The following NRG3 variants were observed in gnomAD, a reference collection of about 807,000 sequenced individuals.
NRG3 encodes neuregulin 3.
In NRG3, 31 loss-of-function variants were observed where a neutral mutation model predicts 66.9. That is an observed-to-expected ratio of 0.46 (90% CI 0.35 to 0.63). The LOEUF is 0.63. Ranked by LOEUF, NRG3 falls within the 20% of genes least tolerant of loss-of-function variation. The pLI, the probability that NRG3 is intolerant of heterozygous loss-of-function variation, is 0.00. For synonymous variants in NRG3, 393 were observed against 359.4 expected (o/e 1.09, Z -1.06); for missense variants, 910 against 878.9 (o/e 1.04, Z -0.45).
chr10:82,380,722 G>A (rs2085561115), intron 2 of NRG3, among the ~76,000 whole-genome samples: 2 of 152,062 alleles, frequency 1.3e-5, no homozygotes, highest in Non-Finnish European at 2.9e-5. Flanking sequence ...GTGTACATTG[G>A]TATAACAACT....
chr10:81,953,260 C>A (rs999205438), intron 1 of NRG3, among the ~76,000 whole-genome samples: 2 of 152,182 alleles, frequency 1.3e-5, no homozygotes, highest in South Asian at 2.1e-4. Flanking sequence ...TGGTTGAGAG[C>A]CCCATCCTTT....
intron 2 of NRG3, among the ~76,000 whole-genome samples, chr10:82,696,355 A>T (rs2055381884): frequency 1.3e-5 from 2 of 152,150 alleles, no homozygotes; most frequent in South Asian, 4.1e-4. Flanking sequence ...TATAGTATAT[A>T]TTTAAAATGG....
At chr10:82,734,504 A>T (rs1288226175) in intron 2 of NRG3, among the ~76,000 whole-genome samples, 2 of 152,104 alleles carry the variant, frequency 1.3e-5, no homozygotes, top group East Asian at 3.9e-4. Context: ...GAGGCTTATC[A>T]ACCTGATACT....
intron 1 of NRG3, among the ~76,000 whole-genome samples, chr10:81,985,019 T>A (rs2060470253): frequency 6.6e-6 from 1 of 152,188 alleles, no homozygotes; most frequent in South Asian, 2.1e-4. Context: ...TATGCAAAGA[T>A]TTACACATGT....
intron 2 of NRG3, among the ~76,000 whole-genome samples, chr10:82,454,902 A>G (rs746684112): frequency 6.6e-6 from 1 of 152,254 alleles, no homozygotes; most frequent in East Asian, 1.9e-4. Context: ...AACATTTGCA[A>G]CGTACTCTCA....
chr10:82,288,933 T>A (rs2079570307), intron 1 of NRG3, among the ~76,000 whole-genome samples: 1 of 152,182 alleles, frequency 6.6e-6, no homozygotes, highest in Non-Finnish European at 1.5e-5. Context: ...TTAATAGACA[T>A]GCTGTAATGA....
chr10:82,499,597 A>G (rs192567868), intron 2 of NRG3, among the ~76,000 whole-genome samples: 2 of 152,216 alleles, frequency 1.3e-5, no homozygotes, highest in Admixed American at 1.3e-4. Flanking sequence ...AATGGTCTCA[A>G]ATGGTCTCTA....
At chr10:82,294,819 C>T (rs1414760) in intron 1 of NRG3, among the ~76,000 whole-genome samples, 72,386 of 151,978 alleles carry the variant, frequency 0.48, 20,821 homozygotes, top group African/African-American at 0.81. Context: ...TTGAGGAATG[C>T]AAATATTTGA....
chr10:82,752,337 C>T (rs1490499663), intron 3 of NRG3, among the ~76,000 whole-genome samples: 1 of 152,090 alleles, frequency 6.6e-6, no homozygotes, highest in Non-Finnish European at 1.5e-5. Flanking sequence ...CTGTGATAGG[C>T]AATCAATGCC....
At chr10:82,749,408 A>G (rs938910287) in intron 3 of NRG3, among the ~76,000 whole-genome samples, 6 of 151,974 alleles carry the variant, frequency 3.9e-5, no homozygotes, top group African/African-American at 1.4e-4. Flanking sequence ...GCCCAGGACA[A>G]ATGCCTAAGT....
chr10:82,359,753 G>A (rs996158411), intron 2 of NRG3, among the ~76,000 whole-genome samples: 2 of 152,058 alleles, frequency 1.3e-5, no homozygotes, highest in Admixed American at 1.3e-4. Flanking sequence ...GTATGACACA[G>A]TTATTAAATT....
At chr10:82,766,474 A>T (rs750722353) in intron 3 of NRG3, among the ~76,000 whole-genome samples, 3 of 152,164 alleles carry the variant, frequency 2.0e-5, no homozygotes, top group Non-Finnish European at 4.4e-5. Flanking sequence ...GAACCCTAAA[A>T]ATAGTCTAGT....
intron 3 of NRG3, among the ~76,000 whole-genome samples, chr10:82,775,980 A>G (rs1477140117): frequency 6.6e-6 from 1 of 152,180 alleles, no homozygotes; most frequent in Non-Finnish European, 1.5e-5. Flanking sequence ...TTGTCATTGC[A>G]GTAATGGAAT....
intron 2 of NRG3, among the ~76,000 whole-genome samples, chr10:82,503,795 C>T (rs897154252): frequency 6.6e-6 from 1 of 152,174 alleles, no homozygotes; most frequent in Non-Finnish European, 1.5e-5. Context: ...CAACCTCATA[C>T]ACAGTCATAC....
At chr10:82,188,834 AATAG>A (rs763472503) in intron 1 of NRG3, among the ~76,000 whole-genome samples, 14 of 152,112 alleles carry the variant, frequency 9.2e-5, no homozygotes, top group Non-Finnish European at 1.8e-4. Flanking sequence ...TACCAAAGCA[AATAG>A]ATAGAATGAG....
intron 1 of NRG3, among the ~76,000 whole-genome samples, chr10:82,199,300 T>A (rs1228072719): frequency 6.6e-6 from 1 of 152,156 alleles, no homozygotes; most frequent in Admixed American, 6.5e-5. Context: ...ATTCCAAGTT[T>A]CTCAAACCTA....
chr10:82,957,141 G>T (rs939228381), intron 5 of NRG3, among the ~76,000 whole-genome samples: 1 of 151,972 alleles, frequency 6.6e-6, no homozygotes, highest in African/African-American at 2.4e-5. Flanking sequence ...GAGCTTGCTT[G>T]ATGGTATCGG....
chr10:82,652,583 C>A lies in NRG3; in HGVS notation c.954-85994C>A, dbSNP rs1307376377. 2.0e-5 allele frequency among the ~76,000 whole-genome samples: 3 copies of A among 152,310 alleles called. No homozygotes were observed. The East Asian group carries it at 5.8e-4, about 30-fold the overall frequency. ...CATCTAGCTGCTTCTCTTCTCTCTG[C>A]TGGCTGAGCCTGGGGTTTTTATAGG... On this transcript the variant is annotated intron_variant, in intron 2 of 8. Coordinates refer to ENST00000372141, the MANE Select transcript of NRG3 (RefSeq NM_001010848.4).
chr10:82,473,306 T>G (rs1841449198), intron 2 of NRG3, among the ~76,000 whole-genome samples: 2 of 152,142 alleles, frequency 1.3e-5, no homozygotes. Flanking sequence ...TGACTAGAGT[T>G]ATAAAGTAAG....
Sources: gnomAD v4.1 joint callset for allele counts (sites outside exome capture counted in the v4.1 genomes callset) on GRCh38, gnomAD v4.1.1 for gene constraint, MANE v1.5 for transcripts, NCBI Gene and HGNC (gene_info 2026-07-23, HGNC 2026-07-21) for gene names.